PTPRD: variants seen among roughly 807,000 people sequenced by gnomAD.
PTPRD encodes receptor-type tyrosine-protein phosphatase delta.
In PTPRD, 34 loss-of-function variants were observed where a neutral mutation model predicts 214.5. The ratio of observed to expected loss-of-function variants is 0.16; its 90% confidence interval spans 0.12 to 0.21. The LOEUF (loss-of-function observed/expected upper bound fraction) is 0.21, where lower values mean the gene tolerates loss of function less well. Ranked by LOEUF, PTPRD falls within the 10% of genes least tolerant of loss-of-function variation. The probability of loss-of-function intolerance (pLI) is 1.00; values close to 1 mark genes in which losing one functional copy is unlikely to be tolerated. For missense variants in PTPRD, 2,545 were observed against 2,398.7 expected, an observed-to-expected ratio of 1.06 and a Z score of -1.27; for synonymous variants, 1,128 against 845.7, an observed-to-expected ratio of 1.33 and a Z score of -5.79.
intron 9 of PTPRD, among the ~76,000 whole-genome samples, chr9:9,183,983 A>G (rs1466540842): frequency 2.0e-5 from 3 of 152,104 alleles, no homozygotes; most frequent in African/African-American, 7.2e-5. Flanking sequence ...CAACAGAATA[A>G]TTTGTACAAG....
intron 4 of PTPRD, among the ~76,000 whole-genome samples, chr9:10,017,941 G>C (rs931646948): frequency 6.6e-6 from 1 of 152,124 alleles, no homozygotes; most frequent in Non-Finnish European, 1.5e-5. Flanking sequence ...CAGAACAGCA[G>C]GGGTCCCCAG....
chr9:8,702,874 T>A (rs1353442838), intron 12 of PTPRD, among the ~76,000 whole-genome samples: 1 of 152,200 alleles, frequency 6.6e-6, no homozygotes, highest in African/African-American at 2.4e-5. Context: ...CCCAAAGTGC[T>A]GGGATTACAG....
intron 11 of PTPRD, among the ~76,000 whole-genome samples, chr9:8,782,718 C>A (rs1014886534): frequency 1.3e-5 from 2 of 151,756 alleles, no homozygotes; most frequent in African/African-American, 4.8e-5. Context: ...CTGCCTCAGC[C>A]TCCGGAGTAG....
chr9:9,423,057 C>G lies in PTPRD; in HGVS notation c.-236-25575G>C, dbSNP rs144585991. Among the ~76,000 whole-genome samples the G allele has an allele frequency of 8.1e-3, 1,238 of 152,214 alleles. 9 individuals carry two copies. Among genetic ancestry groups the G allele is most frequent in the Middle Eastern group, 0.061 (18 of 294 alleles). Reference sequence around the variant, plus strand: ...AGTCTAGACTTTGAAAATTCTAAACCTCATCCTCTTCCTCATGAAGTTCTT... The same window carrying G: ...AGTCTAGACTTTGAAAATTCTAAACGTCATCCTCTTCCTCATGAAGTTCTT... On this transcript the variant is annotated intron_variant, in intron 8 of 45. Transcript: ENST00000381196.
intron 35 of PTPRD, among the ~76,000 whole-genome samples, chr9:8,406,297 C>A (rs189259628): frequency 1.3e-5 from 2 of 152,280 alleles, no homozygotes; most frequent in East Asian, 3.9e-4. Context: ...GAACCATGTC[C>A]ACACAGAACA....
intron 5 of PTPRD, among the ~76,000 whole-genome samples, chr9:9,772,980 C>A (rs147493904): frequency 6.0e-4 from 91 of 152,206 alleles, no homozygotes; most frequent in African/African-American, 2.1e-3. Flanking sequence ...AGGAAATAAG[C>A]TAAATGCCTT....
At chr9:8,630,091 C>G (rs1009071410) in intron 14 of PTPRD, among the ~76,000 whole-genome samples, 1 of 151,754 alleles carries the variant, frequency 6.6e-6, no homozygotes, top group East Asian at 1.9e-4. Flanking sequence ...AATCAATGAT[C>G]TTCATCCAGT....
intron 5 of PTPRD, among the ~76,000 whole-genome samples, chr9:9,880,728 T>A (rs1390444331): frequency 6.6e-6 from 1 of 152,164 alleles, no homozygotes; most frequent in Non-Finnish European, 1.5e-5. Flanking sequence ...GTAAAAGATC[T>A]TTTTAAGCAG....
intron 14 of PTPRD, among the ~76,000 whole-genome samples, chr9:8,619,436 A>G (rs1299053800): frequency 6.6e-6 from 1 of 151,710 alleles, no homozygotes; most frequent in Non-Finnish European, 1.5e-5. Context: ...AATCAGTGAG[A>G]TCCCATAGCA....
chr9:10,184,270 G>GA (rs1326428331), intron 3 of PTPRD, among the ~76,000 whole-genome samples: 1 of 151,934 alleles, frequency 6.6e-6, no homozygotes, highest in Non-Finnish European at 1.5e-5. Flanking sequence ...ACCAAAAATA[G>GA]AAAAATTAGC....
intron 3 of PTPRD, among the ~76,000 whole-genome samples, chr9:10,251,061 T>A (rs1421307748): frequency 6.6e-6 from 1 of 152,092 alleles, no homozygotes; most frequent in Non-Finnish European, 1.5e-5. Context: ...ATAGGGGTCT[T>A]TGAACAAGAT....
At chr9:8,684,799 C>T (rs568064733) in intron 12 of PTPRD, among the ~76,000 whole-genome samples, 2 of 151,972 alleles carry the variant, frequency 1.3e-5, no homozygotes, top group Admixed American at 6.6e-5. Context: ...AGTGCTTCTA[C>T]GAATTATAAT....
chr9:10,452,152 G>A (rs999108415), intron 2 of PTPRD, among the ~76,000 whole-genome samples: 22 of 151,942 alleles, frequency 1.4e-4, no homozygotes, highest in Admixed American at 5.9e-4. Context: ...CATGCAAATA[G>A]AAGAATACAC....
At chr9:8,538,578 T>G (rs1262556456) in intron 14 of PTPRD, among the ~76,000 whole-genome samples, 1 of 151,540 alleles carries the variant, frequency 6.6e-6, no homozygotes, top group Non-Finnish European at 1.5e-5. Flanking sequence ...GGATTGGAAC[T>G]AATAGTGTTG....
At chr9:10,086,542 T>A (rs2098341278) in intron 3 of PTPRD, among the ~76,000 whole-genome samples, 1 of 151,822 alleles carries the variant, frequency 6.6e-6, no homozygotes, top group African/African-American at 2.4e-5. Flanking sequence ...TTCTAGCTGT[T>A]ATAAACTTGG....
intron 22 of PTPRD, among the ~76,000 whole-genome samples, chr9:8,505,894 T>G (rs1046062160): frequency 3.3e-5 from 5 of 152,218 alleles, no homozygotes; most frequent in African/African-American, 1.2e-4. Context: ...GTGGTCGTGA[T>G]GAAGGTTTAA....
chr9:9,107,501 A>G (rs886306030), intron 10 of PTPRD, among the ~76,000 whole-genome samples: 1 of 152,200 alleles, frequency 6.6e-6, no homozygotes, highest in Non-Finnish European at 1.5e-5. Context: ...ACCACTTGGA[A>G]CCTACTAGTT....
intron 8 of PTPRD, among the ~76,000 whole-genome samples, chr9:9,443,613 G>A (rs898520556): frequency 5.9e-5 from 9 of 152,116 alleles, no homozygotes; most frequent in Non-Finnish European, 1.2e-4. Context: ...CAGAAAGATC[G>A]CTTGGAGAAG....
chr9:8,435,887 T>C (rs723628), intron 35 of PTPRD, among the ~76,000 whole-genome samples: 8,301 of 152,270 alleles, frequency 0.055, 293 homozygotes, highest in East Asian at 0.12. Context: ...ATATTAGCTC[T>C]AGCATTAATT....
Sources: allele counts gnomAD v4.1 joint callset (sites outside exome capture counted in the v4.1 genomes callset), GRCh38; gene constraint gnomAD v4.1.1; transcripts MANE v1.5; gene names NCBI Gene and HGNC (gene_info 2026-07-23, HGNC 2026-07-21).